The following TLE3 variants were observed in gnomAD, a reference collection of about 807,000 sequenced individuals.
TLE3 encodes the protein transducin-like enhancer protein 3.
A neutral mutation model predicts 93.0 loss-of-function variants in TLE3; 14 were observed. That is an observed-to-expected ratio of 0.15 (90% CI 0.10 to 0.24). TLE3 has a LOEUF of 0.24. TLE3 is among the 10% of genes least tolerant of loss of function. The pLI, the probability that TLE3 is intolerant of heterozygous loss-of-function variation, is 1.00. For missense variants in TLE3, 693 were observed against 1,046.6 expected (o/e 0.66, Z 4.66); for synonymous variants, 451 against 425.0 (o/e 1.06, Z -0.75).
At chr15:70,054,413 C>T in intron 16 of TLE3, 25 bp downstream of exon 16, 1 of 1,602,806 alleles carries the variant, frequency 6.2e-7, no homozygotes, top group Middle Eastern at 1.7e-4. Flanking sequence ...GGACGAGGCA[C>T]TAATGCTCCC....
chr15:70,064,839 C>T (rs1169113127), intron 7 of TLE3, among the ~76,000 whole-genome samples: 1 of 142,214 alleles, frequency 7.0e-6, no homozygotes, highest in Non-Finnish European at 1.5e-5. Context: ...CTTAAGATCA[C>T]AAGCTTGAGA....
chr15:70,075,991 GGGCTGA>G, intron 5 of TLE3, 99 bp downstream of exon 5: 3 of 1,061,488 alleles, frequency 2.8e-6, no homozygotes, highest in Admixed American at 3.7e-5. Flanking sequence ...GAATGGACAG[GGGCTGA>G]GGCTGGGGCT....
Position 70,097,559 on chromosome 15 carries a change from G to A in TLE3, c.-761C>T. 1 of 399,614 alleles carries A rather than the reference G, an allele frequency of 2.5e-6. No individual in the cohort carries two copies. Among genetic ancestry groups the A allele is most frequent in the East Asian group, 3.6e-5 (1 of 28,056 alleles). The allele number at this position is 399,614 out of a possible 1,614,324, so 24.8% of individuals were successfully genotyped here. ...CTGGCATCCTAAGTCCAGCGGGCAC[G>A]GGAAGCCTCCGCAAAGGGTTCTCGC... On this transcript the variant is annotated 5_prime_UTR_variant, in exon 1 of 20. Transcript: ENST00000451782.
chr15:70,052,320 C>A (rs2141384031), intron 18 of TLE3, 54 bp downstream of exon 18: 1 of 1,590,896 alleles, frequency 6.3e-7, no homozygotes, highest in East Asian at 2.2e-5. Flanking sequence ...TTGGGCCAGG[C>A]TGCCCTGGGT....
chr15:70,055,082 G>C lies in TLE3; in HGVS notation c.1545C>G (p.Gly515=). Residue 515 remains glycine (G), a synonymous_variant, in exon 15 of 20, where the codon GGC becomes GGG. Transcript: ENST00000451782. ...CCAGCTGGGAGATGGGGCTCTTGCTGCCTGGCTGGCTGATGTCCCAGATCT... is the reference window on the plus strand; with the variant it reads ...CCAGCTGGGAGATGGGGCTCTTGCTCCCTGGCTGGCTGATGTCCCAGATCT... ...CVKIWDISQP[G]SKSPISQLDC... is the part of the protein sequence containing the mutation. The C allele has an allele frequency of 6.2e-7, 1 of 1,613,742 alleles. No homozygotes were observed.
intron 4 of TLE3, chr15:70,079,597 C>T (rs929811429): frequency 2.8e-6 from 1 of 359,578 alleles, no homozygotes; most frequent in African/African-American, 2.3e-5. Flanking sequence ...GCTGCCCAAC[C>T]CTGAGAATGG....
At chr15:70,083,780 G>C (rs1031076295) in intron 4 of TLE3, among the ~76,000 whole-genome samples, 1 of 151,872 alleles carries the variant, frequency 6.6e-6, no homozygotes, top group Non-Finnish European at 1.5e-5. Flanking sequence ...CCCCCATCAG[G>C]TCAGCACTAC....
intron 7 of TLE3, among the ~76,000 whole-genome samples, chr15:70,064,890 A>G (rs2056716982): frequency 6.9e-6 from 1 of 144,036 alleles, no homozygotes; most frequent in African/African-American, 2.7e-5. Flanking sequence ...CCTGGGAGTT[A>G]AGAACTTTAT....
At chr15:70,066,929 A>G (rs1196619130) in intron 6 of TLE3, 6 of 385,208 alleles carry the variant, frequency 1.6e-5, no homozygotes, top group East Asian at 8.3e-5. Flanking sequence ...TGGAGCCTCA[A>G]ATTTCCTTAT....
chr15:70,057,898 C>T (rs1341525074), intron 12 of TLE3: 3 of 709,564 alleles, frequency 4.2e-6, no homozygotes, highest in African/African-American at 1.8e-5. Flanking sequence ...TTGCTTAGAG[C>T]CTCACTGGAC....
rs2055358050 is a variant in TLE3, at chr15:70,049,772, A to G, written c.*325T>C. 2 of 244,752 alleles carry G rather than the reference A, an allele frequency of 8.2e-6. No individual in the cohort carries two copies. The highest frequency in any genetic ancestry group is 1.6e-5 in the Non-Finnish European group (2 of 122,106). 15.2% of individuals were successfully genotyped at this position (244,752 alleles called of 1,614,324 possible). ...TGAGGGACAGGGCAAAAGAAAAGGG[A>G]AGAACAAACAGAGACTCATGAGCGG... On this transcript the variant is annotated 3_prime_UTR_variant, in exon 20 of 20. Transcript: ENST00000451782.
chr15:70,069,621 G>C (rs1024575263), intron 6 of TLE3, among the ~76,000 whole-genome samples: 2 of 152,240 alleles, frequency 1.3e-5, no homozygotes, highest in Non-Finnish European at 2.9e-5. Flanking sequence ...GTGGTTTGAA[G>C]GCACAGCAAG....
chr15:70,085,267 T>C (rs950114537), intron 4 of TLE3, among the ~76,000 whole-genome samples: 1 of 152,340 alleles, frequency 6.6e-6, no homozygotes, highest in African/African-American at 2.4e-5. Flanking sequence ...CCCACATTTG[T>C]CTGACTCCAA....
At chr15:70,095,557 A>C in intron 3 of TLE3, 21 bp downstream of exon 3, 2 of 1,549,772 alleles carry the variant, frequency 1.3e-6, no homozygotes, top group Non-Finnish European at 8.7e-7. Context: ...ACCGCCCCCC[A>C]GGCCCGCGGC....
chr15:70,087,304 A>T (rs1267422902), intron 4 of TLE3, among the ~76,000 whole-genome samples: 1 of 152,122 alleles, frequency 6.6e-6, no homozygotes, highest in African/African-American at 2.4e-5. Context: ...GGTCATCTTC[A>T]CACCCCAAGC....
chr15:70,085,864 A>T (rs1193369001), intron 4 of TLE3, among the ~76,000 whole-genome samples: 1 of 152,262 alleles, frequency 6.6e-6, no homozygotes, highest in East Asian at 1.9e-4. Flanking sequence ...ATCAATCTCA[A>T]TTCTTCCTGT....
chr15:70,054,461 G>C lies in TLE3; in HGVS notation c.1803C>G (p.Asp601Glu). The C allele has an allele frequency of 6.2e-7, 1 of 1,613,894 alleles. No homozygotes were observed. ...CCSDGNIAVW[D>E]LHNQTLVRQF... ...ACCTGACCAGGGTCTGGTTGTGCAG[G>C]TCCCAGACAGCAATGTTCCCATCGC... The change falls in exon 16 of 20, where the codon GAC becomes GAG. Residue 601 changes from aspartate (D) to glutamate (E), a missense_variant. This residue lies in a region of TLE3 where 153 missense variants were observed against 379.9 expected (regional missense o/e 0.40). Coordinates refer to ENST00000451782, the MANE Select transcript of TLE3 (RefSeq NM_001105192.3).
chr15:70,054,185 A>C, intron 16 of TLE3: 1 of 441,020 alleles, frequency 2.3e-6, no homozygotes, highest in Middle Eastern at 5.8e-4. Context: ...TCTGACCTCC[A>C]CTTCCCCAGA....
Sources: gnomAD v4.1 joint callset for allele counts (sites outside exome capture counted in the v4.1 genomes callset) on GRCh38, gnomAD v4.1.1 for gene constraint, gnomAD v4.1.1 regional missense constraint, MANE v1.5 for transcripts, NCBI Gene and HGNC (gene_info 2026-07-23, HGNC 2026-07-21) for gene names.